DACH2: variants seen among roughly 807,000 people sequenced by gnomAD.
The protein encoded by DACH2 is dachshund homolog 2.
In DACH2, 17 loss-of-function variants were observed where a neutral mutation model predicts 35.8. That is an observed-to-expected ratio of 0.48 (90% confidence interval 0.33 to 0.71). DACH2 has a LOEUF of 0.71. Ranked by LOEUF, DACH2 falls within the 30% of genes least tolerant of loss-of-function variation. DACH2 has a pLI of 0.02. For synonymous variants in DACH2, 195 were observed against 177.3 expected, an observed-to-expected ratio of 1.10 and a Z score of -0.79; for missense variants, 469 against 472.7, an observed-to-expected ratio of 0.99 and a Z score of 0.07.
At chrX:86,610,406 TTTCTTTCTTTCTTTTCTTTC>T (rs1338050234) in intron 3 of DACH2, among the ~76,000 whole-genome samples, 75 of 80,334 alleles carry the variant, frequency 9.3e-4, no homozygotes, top group African/African-American at 3.8e-3. Flanking sequence ...TCTTTCTTTC[TTTCTTTCTTTCTTTTCTTTC>T]TTTCTTTCTT....
chrX:86,569,163 ACTC>A (rs767483230), intron 3 of DACH2, among the ~76,000 whole-genome samples: 1 of 110,771 alleles, frequency 9.0e-6, no homozygotes, highest in Non-Finnish European at 1.9e-5. Flanking sequence ...CCTTACTAAT[ACTC>A]ATTTCACCAA....
intron 1 of DACH2, among the ~76,000 whole-genome samples, chrX:86,226,977 C>G (rs927351634): frequency 9.1e-6 from 1 of 110,208 alleles, no homozygotes; most frequent in African/African-American, 3.3e-5. Flanking sequence ...AATTTTTGTC[C>G]TTGTCTTTTA....
chrX:86,303,703 A>C (rs766828728), intron 1 of DACH2, among the ~76,000 whole-genome samples: 1 of 99,079 alleles, frequency 1.0e-5, no homozygotes. Context: ...ATATATAAGC[A>C]CATATGTATA....
At chrX:86,378,884 G>A (rs1369252503) in intron 2 of DACH2, among the ~76,000 whole-genome samples, 1 of 110,917 alleles carries the variant, frequency 9.0e-6, no homozygotes, top group Non-Finnish European at 1.9e-5. Context: ...CGCTTTGTGG[G>A]TTTTATTTTT....
intron 5 of DACH2, among the ~76,000 whole-genome samples, chrX:86,701,055 AG>A (rs1036135662): frequency 9.0e-6 from 1 of 111,610 alleles, no homozygotes; most frequent in African/African-American, 3.3e-5. Flanking sequence ...AACCAGTAAA[AG>A]GTAAAAAGAA....
intron 3 of DACH2, among the ~76,000 whole-genome samples, chrX:86,585,218 G>A (rs1405681992): frequency 3.6e-5 from 4 of 110,808 alleles, no homozygotes; most frequent in Non-Finnish European, 5.7e-5. Flanking sequence ...TAAGATCTTT[G>A]AGAAATCTCC....
chrX:86,478,754 G>A (rs757523723), intron 2 of DACH2, among the ~76,000 whole-genome samples: 1 of 108,973 alleles, frequency 9.2e-6, no homozygotes, highest in East Asian at 2.9e-4. Context: ...GTCTTGAGGA[G>A]CATTTTTGGG....
At chrX:86,176,430 G>C (rs1226636648) in intron 1 of DACH2, among the ~76,000 whole-genome samples, 2 of 110,950 alleles carry the variant, frequency 1.8e-5, no homozygotes, top group African/African-American at 6.5e-5. Context: ...CCTTGGAGGA[G>C]AGGAGGTCAA....
chrX:86,253,234 T>A (rs1037574384), intron 1 of DACH2, among the ~76,000 whole-genome samples: 1 of 110,580 alleles, frequency 9.0e-6, no homozygotes, highest in Non-Finnish European at 1.9e-5. Context: ...GGGAAAGCCC[T>A]CTACAAGGAA....
chrX:86,233,041 A>G (rs1475101258), intron 1 of DACH2, among the ~76,000 whole-genome samples: 2 of 112,025 alleles, frequency 1.8e-5, no homozygotes, highest in East Asian at 2.8e-4. Flanking sequence ...CTTTCCAGGA[A>G]CATGAATGGT....
At chrX:86,486,909 T>C (rs954621410) in intron 2 of DACH2, among the ~76,000 whole-genome samples, 1 of 111,744 alleles carries the variant, frequency 8.9e-6, no homozygotes, top group African/African-American at 3.2e-5. Flanking sequence ...TTCCCATTAA[T>C]CATCTAGCAA....
Position 86,555,595 on chromosome X carries a change from T to C in DACH2, c.640+41204T>C, listed in dbSNP as rs377217255. Reference sequence around the variant, plus strand: ...TGGGTATTTTACTATTTTAAGCAAATATTTTTTAAATCACTTGAATATTAA... The same window carrying C: ...TGGGTATTTTACTATTTTAAGCAAACATTTTTTAAATCACTTGAATATTAA... On this transcript the variant is annotated intron_variant, in intron 3 of 11. Coordinates refer to ENST00000373125, the MANE Select transcript of DACH2 (RefSeq NM_053281.3). 4.5e-5 allele frequency among the ~76,000 whole-genome samples: 5 copies of C among 111,708 alleles called. No individual in the cohort carries two copies. The East Asian group carries it at 8.4e-4, about 19-fold the overall frequency.
intron 1 of DACH2, among the ~76,000 whole-genome samples, chrX:86,262,263 G>T (rs760163637): frequency 8.1e-5 from 9 of 110,996 alleles, no homozygotes; most frequent in Non-Finnish European, 1.7e-4. Context: ...ACTCCAGCCT[G>T]GGCAATAGAG....
chrX:86,483,499 T>C (rs1323456426), intron 2 of DACH2, among the ~76,000 whole-genome samples: 1 of 111,267 alleles, frequency 9.0e-6, no homozygotes, highest in Non-Finnish European at 1.9e-5. Context: ...AAGGAAAATG[T>C]AGCATTGCTT....
intron 7 of DACH2, among the ~76,000 whole-genome samples, chrX:86,753,676 A>C (rs960741504): frequency 8.9e-6 from 1 of 111,752 alleles, no homozygotes; most frequent in African/African-American, 3.2e-5. Context: ...TGAGAATGTA[A>C]TGATGAGAGA....
At chrX:86,468,353 T>C (rs1216910624) in intron 2 of DACH2, among the ~76,000 whole-genome samples, 1 of 111,366 alleles carries the variant, frequency 9.0e-6, no homozygotes, top group East Asian at 2.8e-4. Flanking sequence ...TTTGAATATA[T>C]ATGAATATAT....
At chrX:86,433,426 A>G (rs2037016419) in intron 2 of DACH2, among the ~76,000 whole-genome samples, 1 of 111,962 alleles carries the variant, frequency 8.9e-6, no homozygotes, top group Non-Finnish European at 1.9e-5. Flanking sequence ...GGATATGTCC[A>G]AACAAAATAA....
intron 1 of DACH2, among the ~76,000 whole-genome samples, chrX:86,154,833 T>C (rs758225882): frequency 9.0e-6 from 1 of 111,538 alleles, no homozygotes; most frequent in East Asian, 2.8e-4. Context: ...GTCAAAGAGA[T>C]TGAAGCTTTT....
At chrX:86,611,906 G>A (rs1280696550) in intron 3 of DACH2, among the ~76,000 whole-genome samples, 1 of 109,305 alleles carries the variant, frequency 9.1e-6, no homozygotes, top group East Asian at 2.9e-4. Context: ...CTTATTTTTG[G>A]TTCTTATTAA....
Sources: allele counts gnomAD v4.1 joint callset (sites outside exome capture counted in the v4.1 genomes callset), GRCh38; gene constraint gnomAD v4.1.1; transcripts MANE v1.5; gene names NCBI Gene and HGNC (gene_info 2026-07-23, HGNC 2026-07-21).